RIMBP2: variants seen among roughly 807,000 people sequenced by gnomAD.
The protein encoded by RIMBP2 is RIMS-binding protein 2.
Under a neutral mutation model 118.6 loss-of-function variants are expected in RIMBP2, and 48 were observed. That is an observed-to-expected ratio of 0.40 (90% confidence interval 0.32 to 0.51). RIMBP2 has a LOEUF of 0.51. Ranked by LOEUF, RIMBP2 falls within the 20% of genes least tolerant of loss-of-function variation. The pLI, the probability that RIMBP2 is intolerant of heterozygous loss-of-function variation, is 0.41. For missense variants in RIMBP2, 1,551 were observed against 1,768.3 expected (o/e 0.88, Z 2.20); for synonymous variants, 762 against 742.9 (o/e 1.03, Z -0.42).
intron 1 of RIMBP2, among the ~76,000 whole-genome samples, chr12:130,653,355 A>G (rs1245325028): frequency 6.6e-6 from 1 of 152,236 alleles, no homozygotes; most frequent in East Asian, 1.9e-4. Context: ...CAGGGCAGTC[A>G]TTAGATCTTA....
chr12:130,587,829 TAA>T (rs374788301), intron 2 of RIMBP2, among the ~76,000 whole-genome samples: 72 of 121,360 alleles, frequency 5.9e-4, no homozygotes, highest in African/African-American at 1.9e-3. Context: ...TAAAGTATAA[TAA>T]AAAAAAAAAA....
chr12:130,624,411 G>A (rs1011314035), intron 2 of RIMBP2, among the ~76,000 whole-genome samples: 2 of 152,176 alleles, frequency 1.3e-5, no homozygotes, highest in Non-Finnish European at 2.9e-5. Flanking sequence ...ATGCACACAT[G>A]GAGTTGTGTG....
At chr12:130,549,033 C>G (rs1236765574) in intron 2 of RIMBP2, among the ~76,000 whole-genome samples, 1 of 152,230 alleles carries the variant, frequency 6.6e-6, no homozygotes, top group South Asian at 2.1e-4. Flanking sequence ...AAAACTTCTA[C>G]GTCTGTGCTA....
chr12:130,460,418 G>C (rs1202808891), intron 6 of RIMBP2, among the ~76,000 whole-genome samples: 1 of 152,206 alleles, frequency 6.6e-6, no homozygotes, highest in Non-Finnish European at 1.5e-5. Context: ...TGCAGTAGTA[G>C]AAGTCTTGCT....
At chr12:130,436,554 C>T (rs1433752406) in intron 13 of RIMBP2, among the ~76,000 whole-genome samples, 1 of 152,204 alleles carries the variant, frequency 6.6e-6, no homozygotes, top group Non-Finnish European at 1.5e-5. Context: ...GACCCCTTGT[C>T]GCACACCAAG....
rs1184995141 is a variant in RIMBP2, at chr12:130,620,541, G to A, written c.-217+7781C>T. Among the ~76,000 whole-genome samples, 3 of 152,200 alleles carry A rather than the reference G, an allele frequency of 2.0e-5. No homozygotes were observed. Among genetic ancestry groups the A allele is most frequent in the African/African-American group, 7.2e-5 (3 of 41,464 alleles). On this transcript the variant is annotated intron_variant, in intron 2 of 22. Coordinates refer to ENST00000690449, the MANE Select transcript of RIMBP2 (RefSeq NM_001393629.1). The surrounding 1 kb of genome is among the most constrained non-coding windows in gnomAD (Gnocchi z 5.3). ...AGGCATGCACGGCCCCACAGTCCCA[G>A]GGGCCAGATGCCCAAGCTCGGGGTG...
intron 3 of RIMBP2, among the ~76,000 whole-genome samples, chr12:130,509,515 A>G (rs886513815): frequency 6.6e-6 from 1 of 152,168 alleles, no homozygotes; most frequent in Non-Finnish European, 1.5e-5. Context: ...TTTTGCTGTA[A>G]TAAGTCACAG....
intron 2 of RIMBP2, among the ~76,000 whole-genome samples, chr12:130,624,951 C>G (rs1253633351): frequency 1.3e-5 from 2 of 152,178 alleles, no homozygotes; most frequent in African/African-American, 4.8e-5. Context: ...TCTCAAACTC[C>G]TGACCTTGTG....
At chr12:130,642,056 G>A (rs1254240068) in intron 1 of RIMBP2, among the ~76,000 whole-genome samples, 2 of 152,126 alleles carry the variant, frequency 1.3e-5, no homozygotes, top group East Asian at 1.9e-4. Context: ...TCAAAGCCAC[G>A]TCTCTGGTGC....
chr12:130,506,806 A>G (rs2050400500), intron 3 of RIMBP2, 36 bp from the exon 4 acceptor site: 1 of 985,478 alleles, frequency 1.0e-6, no homozygotes, highest in African/African-American at 1.7e-5. Flanking sequence ...GGAGGTTATC[A>G]CAACATGCCT....
Position 130,644,196 on chromosome 12 carries a change from G to T in RIMBP2, c.-351-15740C>A, listed in dbSNP as rs144149369. Among the ~76,000 whole-genome samples the T allele has an allele frequency of 2.0e-5, 3 of 152,328 alleles. No homozygotes were observed. In the East Asian group the frequency reaches 5.8e-4, roughly 29 times the overall value. On this transcript the variant is annotated intron_variant, in intron 1 of 22. Coordinates refer to ENST00000690449, the MANE Select transcript of RIMBP2 (RefSeq NM_001393629.1). ...ACGAAGGAAAGGAAGTGGAGAGGCA[G>T]ACTCCCTAACAAGGCCTCGAACTCA...
intron 4 of RIMBP2, among the ~76,000 whole-genome samples, chr12:130,504,581 G>C (rs1009174394): frequency 2.0e-5 from 3 of 152,144 alleles, no homozygotes; most frequent in African/African-American, 7.2e-5. Context: ...TCTCCCCAAA[G>C]CTCAGAAAGG....
chr12:130,554,038 G>A (rs550755844), intron 2 of RIMBP2, among the ~76,000 whole-genome samples: 31 of 152,274 alleles, frequency 2.0e-4, no homozygotes, highest in Admixed American at 6.5e-4. Context: ...ACTGTGTTCC[G>A]AGTTTGGAGC....
At chr12:130,512,619 G>A (rs761705651) in intron 3 of RIMBP2, among the ~76,000 whole-genome samples, 10 of 152,132 alleles carry the variant, frequency 6.6e-5, no homozygotes, top group South Asian at 2.1e-4. Context: ...CACCGCACCC[G>A]GCCTGGGTCC....
intron 2 of RIMBP2, among the ~76,000 whole-genome samples, chr12:130,589,937 G>T (rs2059151879): frequency 6.6e-6 from 1 of 152,054 alleles, no homozygotes. Flanking sequence ...CAGTCCTCAG[G>T]GTGAGGCACT....
chr12:130,650,973 A>AAAAAAG (rs71088775), intron 1 of RIMBP2, among the ~76,000 whole-genome samples: 13,289 of 140,888 alleles, frequency 0.094, 758 homozygotes, highest in Non-Finnish European at 0.14. Flanking sequence ...AAAAAAAAAA[A>AAAAAAG]AAAGAAAGAA....
rs1555294909 is a variant in RIMBP2, at chr12:130,571,416, ATTT to A, written c.-216-53502_-216-53500del. 3.5e-4 allele frequency among the ~76,000 whole-genome samples: 36 copies of A among 104,272 alleles called. 1 individual carries two copies. The highest frequency in any genetic ancestry group is 5.1e-4 in the African/African-American group (16 of 31,102). The allele number at this position is 104,272 out of a possible 152,430, so 68.4% of individuals were successfully genotyped here. A position where few individuals can be genotyped will look rare whatever the true frequency, so the allele number is the denominator to read the frequency against. On this transcript the variant is annotated intron_variant, in intron 2 of 22. Transcript: ENST00000690449. ...GTGTGCTACTGCTACCCATAGTAAC[ATTT>A]TTTTTTTTTTTTTTTTTGGAGACAG...
At chr12:130,702,592 G>GGAAGA in intron 1 of RIMBP2, among the ~76,000 whole-genome samples, 1 of 149,882 alleles carries the variant, frequency 6.7e-6, no homozygotes, top group African/African-American at 2.5e-5. Context: ...AGGAAGAAGG[G>GGAAGA]AGGGAGGAAG....
chr12:130,452,376 A>G (rs765397813), intron 7 of RIMBP2, among the ~76,000 whole-genome samples: 29 of 151,984 alleles, frequency 1.9e-4, no homozygotes, highest in Non-Finnish European at 3.7e-4. Flanking sequence ...CAGCGCCACC[A>G]TGGCAGGGAA....
Sources: gnomAD v4.1 joint callset for allele counts (sites outside exome capture counted in the v4.1 genomes callset) on GRCh38, gnomAD v4.1.1 for gene constraint, Gnocchi (gnomAD v3.1) non-coding constraint, MANE v1.5 for transcripts, NCBI Gene and HGNC (gene_info 2026-07-23, HGNC 2026-07-21) for gene names.